The following CACNG3 variants were observed in gnomAD, a reference collection of about 807,000 sequenced individuals.
CACNG3 encodes the protein calcium voltage-gated channel auxiliary subunit gamma 3.
A neutral mutation model predicts 28.5 loss-of-function variants in CACNG3; 3 were observed. The ratio of observed to expected loss-of-function variants is 0.11; its 90% CI spans 0.05 to 0.27. The LOEUF is 0.27. Ranked by LOEUF, CACNG3 falls within the 10% of genes least tolerant of loss-of-function variation. The pLI, the probability that CACNG3 is intolerant of heterozygous loss-of-function variation, is 1.00. For synonymous variants in CACNG3, 174 were observed against 162.2 expected, an observed-to-expected ratio of 1.07 and a Z score of -0.55; for missense variants, 236 against 414.4, an observed-to-expected ratio of 0.57 and a Z score of 3.74.
At chr16:24,325,184 TATC>T (rs1024194285) in intron 1 of CACNG3, among the ~76,000 whole-genome samples, 49 of 152,324 alleles carry the variant, frequency 3.2e-4, no homozygotes, top group African/African-American at 9.9e-4. Flanking sequence ...AGGAATTTAA[TATC>T]AGCCAATTCT....
chr16:24,347,357 T>C (rs541311224), intron 2 of CACNG3, among the ~76,000 whole-genome samples: 4 of 149,838 alleles, frequency 2.7e-5, no homozygotes, highest in Non-Finnish European at 5.9e-5. Context: ...AGAATGAGAA[T>C]GAGAAAGAGA....
At chr16:24,324,452 C>T (rs545775918) in intron 1 of CACNG3, among the ~76,000 whole-genome samples, 14 of 152,236 alleles carry the variant, frequency 9.2e-5, no homozygotes, top group Admixed American at 9.2e-4. Context: ...CTGTTTCCCC[C>T]ACTCCCCAGA....
chr16:24,309,718 G>A (rs1899234689), intron 1 of CACNG3, among the ~76,000 whole-genome samples: 1 of 152,146 alleles, frequency 6.6e-6, no homozygotes, highest in African/African-American at 2.4e-5. Context: ...CCTGCCATGG[G>A]ACGGCAGAGA....
chr16:24,322,266 G>A (rs913565231), intron 1 of CACNG3, among the ~76,000 whole-genome samples: 1 of 152,050 alleles, frequency 6.6e-6, no homozygotes, highest in Non-Finnish European at 1.5e-5. Context: ...AAGGAGCACC[G>A]TCTCCAGATG....
chr16:24,334,969 A>C (rs1191042053), intron 1 of CACNG3, among the ~76,000 whole-genome samples: 1 of 152,156 alleles, frequency 6.6e-6, no homozygotes, highest in Admixed American at 6.6e-5. Flanking sequence ...TCTCACCCCC[A>C]TGCCCAAAAT....
At chr16:24,353,974 C>A (rs1899994886) in intron 2 of CACNG3, among the ~76,000 whole-genome samples, 1 of 152,102 alleles carries the variant, frequency 6.6e-6, no homozygotes, top group African/African-American at 2.4e-5. Context: ...AGGAAGATTG[C>A]TTGAGGCCAG....
intron 1 of CACNG3, among the ~76,000 whole-genome samples, chr16:24,318,886 G>A (rs1363384672): frequency 2.6e-5 from 4 of 152,170 alleles, no homozygotes; most frequent in Non-Finnish European, 5.9e-5. Context: ...CCTGGCTGCA[G>A]GTAGCATCTA....
intron 1 of CACNG3, among the ~76,000 whole-genome samples, chr16:24,342,939 C>T (rs1031846342): frequency 9.9e-5 from 15 of 152,108 alleles, no homozygotes; most frequent in African/African-American, 3.6e-4. Context: ...CCTGTAATCC[C>T]AGCACTTCAG....
intron 1 of CACNG3, among the ~76,000 whole-genome samples, chr16:24,291,423 G>C (rs769160041): frequency 6.6e-6 from 1 of 152,140 alleles, no homozygotes; most frequent in East Asian, 1.9e-4. Context: ...CAAGTGCAGC[G>C]ATTTTATCCT....
In CACNG3 at chr16:24,257,368, GGAGA is replaced by G. The variant is rs71154293; in HGVS notation, c.211+460_211+463del. 6.6e-3 allele frequency among the ~76,000 whole-genome samples: 349 copies of G among 52,790 alleles called. 5 individuals are homozygous for G. Among genetic ancestry groups the G allele is most frequent in the Middle Eastern group, 0.01 (1 of 96 alleles). 34.6% of individuals were successfully genotyped at this position (52,790 alleles called of 152,430 possible). ...GGGACAAGAGGAAAGAAGTGAGGGGGGAGAGAGAGAGAGAGAGAGAGAGAGAGAG... is the reference window on the plus strand; with the variant it reads ...GGGACAAGAGGAAAGAAGTGAGGGGGGAGAGAGAGAGAGAGAGAGAGAGAG... On this transcript the variant is annotated intron_variant, in intron 1 of 3. Coordinates refer to ENST00000005284, the MANE Select transcript of CACNG3 (RefSeq NM_006539.4).
At position 24,284,878 on chromosome 16, in the gene CACNG3, C is replaced by G. The variant is rs192994435; in HGVS notation, c.211+27913C>G. On this transcript the variant is annotated intron_variant, in intron 1 of 3. Transcript: ENST00000005284. The stretch of plus-strand genomic sequence containing the variant: ...GATTAACTAGCTTGCCATTTTGGTT[C>G]TCAGCAAGTCATTGATAAAATCATT... 1.4e-3 allele frequency among the ~76,000 whole-genome samples: 193 copies of G among 142,530 alleles called. No individual in the cohort carries two copies. In the Middle Eastern group the frequency reaches 0.018, roughly 13 times the overall value. The allele number at this position is 142,530 out of a possible 152,430, so 93.5% of individuals were successfully genotyped here.
intron 1 of CACNG3, among the ~76,000 whole-genome samples, chr16:24,322,207 C>T (rs8051597): frequency 0.73 from 111,277 of 151,998 alleles, 41,041 homozygotes; most frequent in Middle Eastern, 0.86. Context: ...CTCACTCTCC[C>T]ATTTGGATTG....
intron 2 of CACNG3, among the ~76,000 whole-genome samples, chr16:24,348,370 G>C (rs1899897894): frequency 1.3e-5 from 2 of 152,132 alleles, no homozygotes; most frequent in African/African-American, 4.8e-5. Context: ...TCGTGCCATT[G>C]CATTGATTGT....
chr16:24,343,323 C>T (rs186841335), intron 1 of CACNG3, among the ~76,000 whole-genome samples: 1 of 152,258 alleles, frequency 6.6e-6, no homozygotes, highest in African/African-American at 2.4e-5. Context: ...CAGATGCCCA[C>T]GTGTATGTAG....
At chr16:24,320,123 G>A (rs979733826) in intron 1 of CACNG3, among the ~76,000 whole-genome samples, 9 of 152,202 alleles carry the variant, frequency 5.9e-5, no homozygotes, top group African/African-American at 1.9e-4. Context: ...GTTAAAGCAT[G>A]TGACATAAAT....
chr16:24,284,227 T>C (rs1898865722), intron 1 of CACNG3, among the ~76,000 whole-genome samples: 1 of 152,220 alleles, frequency 6.6e-6, no homozygotes, highest in South Asian at 2.1e-4. Context: ...TTGTGTGTTA[T>C]TTTTGTTAAG....
intron 1 of CACNG3, among the ~76,000 whole-genome samples, chr16:24,341,668 C>T (rs777172330): frequency 6.6e-6 from 1 of 152,164 alleles, no homozygotes; most frequent in Non-Finnish European, 1.5e-5. Context: ...GCCATAGATA[C>T]CACAACTAGT....
chr16:24,282,259 T>C (rs1898838903), intron 1 of CACNG3, among the ~76,000 whole-genome samples: 1 of 152,186 alleles, frequency 6.6e-6, no homozygotes, highest in Non-Finnish European at 1.5e-5. Flanking sequence ...TAGAATCCTA[T>C]GGCCGCCTTT....
At chr16:24,351,661 CGAAAGAAA>C (rs146309041) in intron 2 of CACNG3, among the ~76,000 whole-genome samples, 3,418 of 110,912 alleles carry the variant, frequency 0.031, 164 homozygotes, top group African/African-American at 0.11. Context: ...GAAAGACAGA[CGAAAGAAA>C]GAAAGAAAGA....
Sources: gnomAD v4.1 joint callset for allele counts (sites outside exome capture counted in the v4.1 genomes callset) on GRCh38, gnomAD v4.1.1 for gene constraint, MANE v1.5 for transcripts, NCBI Gene and HGNC (gene_info 2026-07-23, HGNC 2026-07-21) for gene names.